Variants in PCDHA3 observed in about 807,000 individuals in gnomAD.
PCDHA3 encodes the protein protocadherin alpha-3.
A neutral mutation model predicts 62.2 loss-of-function variants in PCDHA3; 41 were observed. That is an observed-to-expected ratio of 0.66 (90% confidence interval 0.51 to 0.86). The LOEUF (loss-of-function observed/expected upper bound fraction) is 0.86, where lower values mean the gene tolerates loss of function less well. PCDHA3 is among the 40% of genes least tolerant of loss of function. PCDHA3 has a pLI of 0.00. For missense variants in PCDHA3, 1,304 were observed against 1,241.2 expected, an observed-to-expected ratio of 1.05 and a Z score of -0.76; for synonymous variants, 640 against 555.4, an observed-to-expected ratio of 1.15 and a Z score of -2.14.
At chr5:140,919,355 A>C (rs2079096245) in intron 1 of PCDHA3, among the ~76,000 whole-genome samples, 1 of 152,174 alleles carries the variant, frequency 6.6e-6, no homozygotes, top group South Asian at 2.1e-4. Flanking sequence ...TTGAATCTAA[A>C]AGTGTCTCCT....
intron 1 of PCDHA3, among the ~76,000 whole-genome samples, chr5:140,934,631 G>A (rs2089960013): frequency 6.6e-6 from 1 of 151,984 alleles, no homozygotes; most frequent in African/African-American, 2.4e-5. Flanking sequence ...GTTCACACAG[G>A]AAAGGCAGGA....
At position 140,823,839 on chromosome 5, in the gene PCDHA3, C is replaced by T; in HGVS notation, c.2394+20248C>T. The T allele has an allele frequency of 1.9e-6, 3 of 1,613,784 alleles. No individual in the cohort carries two copies. In the South Asian group the frequency reaches 3.3e-5, roughly 18 times the overall value. On this transcript the variant is annotated intron_variant, in intron 1 of 3. Coordinates refer to ENST00000522353, the MANE Select transcript of PCDHA3 (RefSeq NM_018906.3). ...GGGCGTCGGCGGGCGCTGTGGGTCC[C>T]GAGGCTGCCCTGGTGGATGTCAACG...
chr5:140,804,811 A>G (rs549374549), intron 1 of PCDHA3: 211 of 318,752 alleles, frequency 6.6e-4, no homozygotes, highest in Non-Finnish European at 1.0e-3. Context: ...ATAGTAACCA[A>G]CTGAAACCTG....
In PCDHA3 at chr5:140,870,598, G is replaced by A. The variant is rs1273087028; in HGVS notation, c.2394+67007G>A. On this transcript the variant is annotated intron_variant, in intron 1 of 3. Transcript: ENST00000522353. Reference sequence around the variant, plus strand: ...CTACTCGCTGGTGGAGCGGCGGTTGGGCGACCGCGCGCTGTCGAGCTACGT... The same window carrying A: ...CTACTCGCTGGTGGAGCGGCGGTTGAGCGACCGCGCGCTGTCGAGCTACGT... The A allele has an allele frequency of 3.7e-6, 6 of 1,613,282 alleles. No individual in the cohort carries two copies. The African/African-American group carries it at 8.0e-5, about 22-fold the overall frequency.
intron 1 of PCDHA3, chr5:140,929,505 C>A: frequency 1.2e-6 from 1 of 840,606 alleles, no homozygotes; most frequent in Non-Finnish European, 1.7e-6. Flanking sequence ...TGCCCTAGGC[C>A]TCAAGGGACT....
At chr5:140,913,028 T>C (rs1483903035) in intron 1 of PCDHA3, among the ~76,000 whole-genome samples, 1 of 152,232 alleles carries the variant, frequency 6.6e-6, no homozygotes, top group Non-Finnish European at 1.5e-5. Flanking sequence ...TCAATATTCA[T>C]CAGATATATT....
At chr5:140,856,346 G>T in intron 1 of PCDHA3, 1 of 1,598,632 alleles carries the variant, frequency 6.3e-7, no homozygotes, top group Non-Finnish European at 8.6e-7. Context: ...GCGGAGCGTG[G>T]AGTGCAGCAT....
At chr5:140,835,852 T>C (rs1554135337) in intron 1 of PCDHA3, 1 of 1,612,246 alleles carries the variant, frequency 6.2e-7, no homozygotes, top group Non-Finnish European at 8.5e-7. Context: ...AACGCGCTGG[T>C]GTCCTACTCG....
At chr5:140,926,183 C>A (rs1287609954) in intron 1 of PCDHA3, among the ~76,000 whole-genome samples, 2 of 151,712 alleles carry the variant, frequency 1.3e-5, no homozygotes, top group African/African-American at 4.8e-5. Context: ...GGAAAGCCCC[C>A]CGCAGCACTT....
intron 1 of PCDHA3, chr5:140,830,716 A>G (rs1437776192): frequency 8.4e-6 from 2 of 237,240 alleles, no homozygotes; most frequent in Non-Finnish European, 1.6e-5. Flanking sequence ...TTGTCTTCAA[A>G]CCAAAATATT....
intron 1 of PCDHA3, chr5:140,863,089 A>C: frequency 3.5e-6 from 2 of 575,052 alleles, no homozygotes; most frequent in Non-Finnish European, 6.9e-6. Context: ...CGAGATCAGC[A>C]CGACGAGTAC....
chr5:141,005,701 CAAAAAAAAAAAA>C (rs59860837), intron 3 of PCDHA3, among the ~76,000 whole-genome samples: 139 of 7,794 alleles, frequency 0.018, no homozygotes, highest in African/African-American at 0.055. Context: ...AACTCCGTCT[CAAAAAAAAAAAA>C]AAAAAAAAAA....
At chr5:140,821,904 C>A (rs1360851482) in intron 1 of PCDHA3, 2 of 1,614,102 alleles carry the variant, frequency 1.2e-6, no homozygotes, top group Non-Finnish European at 1.7e-6. Context: ...ACGGAACCTT[C>A]GTTGGCCGCA....
At chr5:140,878,586 C>T (rs1020008029) in intron 1 of PCDHA3, among the ~76,000 whole-genome samples, 9 of 152,164 alleles carry the variant, frequency 5.9e-5, no homozygotes, top group Non-Finnish European at 1.3e-4. Context: ...TGCCCTGTGC[C>T]TATTACCAAG....
intron 1 of PCDHA3, chr5:140,834,264 CTT>C: frequency 9.9e-7 from 1 of 1,010,524 alleles, no homozygotes; most frequent in Admixed American, 2.4e-5. Context: ...GCTCCACTCT[CTT>C]TCACTCTTTG....
At chr5:140,842,935 C>G (rs1329962165) in intron 1 of PCDHA3, 2 of 1,594,326 alleles carry the variant, frequency 1.3e-6, no homozygotes, top group African/African-American at 1.3e-5. Flanking sequence ...TGAGCGCGCG[C>G]GACGCGGGCG....
In PCDHA3 at chr5:140,855,179, G is replaced by A. The variant is rs181253905; in HGVS notation, c.2394+51588G>A. Among the ~76,000 whole-genome samples, 493 of 149,782 alleles carry A rather than the reference G, an allele frequency of 3.3e-3. 32 individuals carry two copies. The highest frequency in any genetic ancestry group is 0.014 in the Middle Eastern group (4 of 290). ...ATTGAGCCTCATGAAAACAAATGTGGCCAAATTGAGGCCTGAGAATAGTTT... is the reference window on the plus strand; with the variant it reads ...ATTGAGCCTCATGAAAACAAATGTGACCAAATTGAGGCCTGAGAATAGTTT... On this transcript the variant is annotated intron_variant, in intron 1 of 3. Coordinates refer to ENST00000522353, the MANE Select transcript of PCDHA3 (RefSeq NM_018906.3).
chr5:140,851,092 A>G (rs371116217), intron 1 of PCDHA3: 2 of 1,292,902 alleles, frequency 1.5e-6, no homozygotes, highest in East Asian at 5.4e-5. Context: ...TATTAAATAG[A>G]TATTTTTTGG....
At chr5:140,866,405 A>G (rs2049336607) in intron 1 of PCDHA3, 1 of 152,116 alleles carries the variant, frequency 6.6e-6, no homozygotes, top group Admixed American at 6.6e-5. Context: ...TCCCATGAAA[A>G]TCTTCAAATG....
Sources: allele counts gnomAD v4.1 joint callset (sites outside exome capture counted in the v4.1 genomes callset), GRCh38; gene constraint gnomAD v4.1.1; transcripts MANE v1.5; gene names NCBI Gene and HGNC (gene_info 2026-07-23, HGNC 2026-07-21).